FAM186A: variants seen among roughly 807,000 people sequenced by gnomAD.
FAM186A encodes protein FAM186A.
Under a neutral mutation model 216.8 loss-of-function variants are expected in FAM186A, and 163 were observed. That is an observed-to-expected ratio of 0.75 (90% confidence interval 0.66 to 0.86). The LOEUF is 0.86. FAM186A is among the 40% of genes least tolerant of loss of function. The probability of loss-of-function intolerance (pLI) is 0.00; values close to 1 mark genes in which losing one functional copy is unlikely to be tolerated. For synonymous variants in FAM186A, 805 were observed against 1,025.3 expected (o/e 0.79, Z 4.10); for missense variants, 2,184 against 2,746.2 (o/e 0.80, Z 4.58).
chr12:50,339,779 C>CACACAG (rs1942744970), intron 4 of FAM186A, among the ~76,000 whole-genome samples: 1 of 137,974 alleles, frequency 7.2e-6, no homozygotes, highest in South Asian at 2.4e-4. Context: ...CACACACACA[C>CACACAG]AGAGCTTCTT....
chr12:50,370,783 T>C (rs1267493350), intron 1 of FAM186A, among the ~76,000 whole-genome samples: 5 of 152,012 alleles, frequency 3.3e-5, no homozygotes, highest in Non-Finnish European at 5.9e-5. Flanking sequence ...ATAAACAAAA[T>C]GTGGTATATA....
rs1942975722 is a variant in FAM186A, at chr12:50,356,210, C to T, written c.622G>A (p.Val208Ile). The change falls in exon 4 of 8, where the codon GTT becomes ATT. Residue 208 changes from valine (V) to isoleucine (I), a missense_variant. By Grantham distance (29) the Val-to-Ile change is conservative (BLOSUM62 3). Coordinates refer to ENST00000327337, the MANE Select transcript of FAM186A (RefSeq NM_001145475.3). ...GTLWKSWKER[V>I]IKRPSTARAL... ...CGGGCTGTTGAAGGTCGTTTTATAACTCTTTCTTTCCAAGATTTCCATAGA... is the reference window on the plus strand; with the variant it reads ...CGGGCTGTTGAAGGTCGTTTTATAATTCTTTCTTTCCAAGATTTCCATAGA... 1.3e-6 allele frequency: 2 copies of T among 1,550,278 alleles called. No homozygotes were observed. The highest frequency in any genetic ancestry group is 1.2e-5 in the South Asian group (1 of 83,818).
intron 7 of FAM186A, among the ~76,000 whole-genome samples, chr12:50,328,700 G>C (rs993451513): frequency 9.2e-5 from 14 of 151,884 alleles, no homozygotes; most frequent in Admixed American, 9.2e-4. Context: ...GTAGAGACAG[G>C]GTTTCACCAA....
intron 7 of FAM186A, among the ~76,000 whole-genome samples, chr12:50,329,373 A>T (rs1942633879): frequency 6.6e-6 from 1 of 152,218 alleles, no homozygotes; most frequent in Non-Finnish European, 1.5e-5. Context: ...ATCAGAGACC[A>T]GAAAAAATGT....
In FAM186A at chr12:50,351,644, A is replaced by G. The variant is rs769871947; in HGVS notation, c.5188T>C (p.Ser1730Pro). 52 of 1,551,456 alleles carry G rather than the reference A, an allele frequency of 3.4e-5. No individual in the cohort carries two copies. In the African/African-American group the frequency reaches 6.8e-4, roughly 20 times the overall value. Reference sequence around the variant, plus strand: ...AGCCTAAGACTTGGAGACAATCTTGATATGATGGATTGCCCAGTGGGGAGA... The same window carrying G: ...AGCCTAAGACTTGGAGACAATCTTGGTATGATGGATTGCCCAGTGGGGAGA... ...ASLPTGQSIISRLSPSLRLSL... is the reference protein window; with the variant it reads ...ASLPTGQSIIPRLSPSLRLSL... The change falls in exon 4 of 8, where the codon TCA (serine) becomes CCA (proline). Residue 1730 changes from serine (S) to proline (P), a missense_variant. This residue lies in a region of FAM186A where 721 missense variants were observed against 816.4 expected (regional missense o/e 0.88). Transcript: ENST00000327337.
At chr12:50,356,279 G>A in intron 3 of FAM186A, 31 bp from the exon 4 acceptor site, 1 of 1,481,544 alleles carries the variant, frequency 6.7e-7, no homozygotes, top group Non-Finnish European at 8.9e-7. Flanking sequence ...CAGTGAGATG[G>A]CATTTTTTTC....
chr12:50,377,478 A>ACACT (rs1555218431), intron 1 of FAM186A, among the ~76,000 whole-genome samples: 1 of 152,042 alleles, frequency 6.6e-6, no homozygotes, highest in Non-Finnish European at 1.5e-5. Flanking sequence ...ATGGGAGAAA[A>ACACT]TACGAACTTG....
At chr12:50,329,599 C>CTT (rs879714835) in intron 7 of FAM186A, among the ~76,000 whole-genome samples, 7 of 140,230 alleles carry the variant, frequency 5.0e-5, no homozygotes, top group African/African-American at 7.8e-5. Context: ...ATTAACACTA[C>CTT]TTTTTTTTTT....
rs553059308 is a variant in FAM186A at position 50,331,634 on chromosome 12, C to T, written c.6848+36G>A. On this transcript the variant is annotated intron_variant, in intron 6 of 7. Transcript: ENST00000327337. ...GAAAAAAAAATTAGGTCCCACATAT[C>T]GTCCAAAGTTTAATATCAGTCTTTC... The T allele has an allele frequency of 1.8e-5, 28 of 1,517,022 alleles. No homozygotes were observed. The South Asian group carries it at 3.0e-4, about 16-fold the overall frequency. 94.0% of individuals were successfully genotyped at this position (1,517,022 alleles called of 1,614,324 possible). A position where few individuals can be genotyped will look rare whatever the true frequency, so the allele number is the denominator to read the frequency against.
chr12:50,362,346 A>G (rs979003484), intron 2 of FAM186A, among the ~76,000 whole-genome samples: 1 of 152,196 alleles, frequency 6.6e-6, no homozygotes, highest in Non-Finnish European at 1.5e-5. Flanking sequence ...ATACAACATT[A>G]AGTAAAACAA....
At chr12:50,337,699 C>T (rs1008365155) in intron 4 of FAM186A, among the ~76,000 whole-genome samples, 2 of 151,810 alleles carry the variant, frequency 1.3e-5, no homozygotes, top group Non-Finnish European at 2.9e-5. Context: ...AGATCGAGAC[C>T]ATCCTGGCCA....
At chr12:50,389,339 A>G (rs1340395351) in intron 1 of FAM186A, among the ~76,000 whole-genome samples, 3 of 152,138 alleles carry the variant, frequency 2.0e-5, no homozygotes, top group East Asian at 3.9e-4. Context: ...CGTCTCTACT[A>G]AAAATACAAA....
At chr12:50,377,631 G>A (rs1026965694) in intron 1 of FAM186A, among the ~76,000 whole-genome samples, 3 of 151,846 alleles carry the variant, frequency 2.0e-5, no homozygotes, top group Non-Finnish European at 4.4e-5. Flanking sequence ...TCAGGAGTTG[G>A]AGACCAGCCT....
chr12:50,355,909 T>A lies in FAM186A; in HGVS notation c.923A>T (p.Asp308Val). The A allele has an allele frequency of 1.3e-6, 2 of 1,551,528 alleles. No homozygotes were observed. Among genetic ancestry groups the A allele is most frequent in the South Asian group, 2.4e-5 (2 of 84,062 alleles). The change falls in exon 4 of 8, where the codon GAT (aspartate) becomes GTT (valine). Residue 308 changes from aspartate to valine, a missense_variant. By Grantham distance (152) the Asp-to-Val change is radical. Transcript: ENST00000327337. ...EKELSLKIIR[D>V]LSNENEMLQQ... Reference sequence around the variant, plus strand: ...AAGCATTTCATTTTCGTTACTGAGATCTCGTATTATCTTCAGAGAGAGCTC... The same window carrying A: ...AAGCATTTCATTTTCGTTACTGAGAACTCGTATTATCTTCAGAGAGAGCTC...
At chr12:50,383,481 A>G (rs2136105921) in intron 1 of FAM186A, among the ~76,000 whole-genome samples, 1 of 152,130 alleles carries the variant, frequency 6.6e-6, no homozygotes, top group South Asian at 2.1e-4. Context: ...CTGTAGTTCC[A>G]GCAACTTGGG....
At chr12:50,374,093 C>T (rs1378009570) in intron 1 of FAM186A, among the ~76,000 whole-genome samples, 1 of 140,044 alleles carries the variant, frequency 7.1e-6, no homozygotes, top group Admixed American at 8.1e-5. Flanking sequence ...TAGGTGGGAA[C>T]TGAACAATGA....
At chr12:50,360,731 C>T in intron 3 of FAM186A, 25 bp downstream of exon 3, 1 of 1,490,420 alleles carries the variant, frequency 6.7e-7, no homozygotes, top group Non-Finnish European at 8.9e-7. Context: ...TCTACTCCAA[C>T]TCCAAAATCA....
Position 50,353,065 on chromosome 12 carries a change from G to A in FAM186A, c.3767C>T (p.Thr1256Ile), listed in dbSNP as rs573403041. 3 of 1,538,322 alleles carry A rather than the reference G, an allele frequency of 2.0e-6. No individual in the cohort carries two copies. Among genetic ancestry groups the A allele is most frequent in the East Asian group, 2.5e-5 (1 of 39,956 alleles). Residue 1256 changes from threonine to isoleucine, a missense_variant, in exon 4 of 8, where the codon ACC becomes ATC. Physicochemically the swap from Thr to Ile is moderately conservative, Grantham distance 89 (BLOSUM62 -1). Transcript: ENST00000327337. ...QQAQALGITL[T>I]PKQVQELGIP... Reference sequence around the variant, plus strand: ...CCCCAGTTCCTGAACCTGCTTAGGGGTGAGAGTGATTCCGAGAGCCTGCGC... The same window carrying A: ...CCCCAGTTCCTGAACCTGCTTAGGGATGAGAGTGATTCCGAGAGCCTGCGC...
chr12:50,393,801 G>T (rs1943386533), intron 1 of FAM186A, among the ~76,000 whole-genome samples: 1 of 152,114 alleles, frequency 6.6e-6, no homozygotes, highest in African/African-American at 2.4e-5. Flanking sequence ...TACATTTTAT[G>T]GTATGCTAAC....
Sources: gnomAD v4.1 joint callset for allele counts (sites outside exome capture counted in the v4.1 genomes callset) on GRCh38, gnomAD v4.1.1 for gene constraint, gnomAD v4.1.1 regional missense constraint, MANE v1.5 for transcripts, NCBI Gene and HGNC (gene_info 2026-07-23, HGNC 2026-07-21) for gene names.